The following TRMT11 variants were observed in gnomAD, a reference collection of about 807,000 sequenced individuals.
TRMT11 encodes tRNA (guanine(10)-N(2))-methyltransferase TRMT11.
TRMT11 carries 53 observed loss-of-function variants against 62.8 expected under a neutral mutation model. The ratio of observed to expected loss-of-function variants is 0.84; its 90% confidence interval spans 0.68 to 1.06. The LOEUF (loss-of-function observed/expected upper bound fraction) is 1.06, where lower values mean the gene tolerates loss of function less well. Ranked by LOEUF, TRMT11 falls within the 50% of genes least tolerant of loss-of-function variation. The pLI is 0.00. For synonymous variants in TRMT11, 188 were observed against 190.3 expected (o/e 0.99, Z 0.10); for missense variants, 556 against 553.4 (o/e 1.00, Z -0.05).
chr6:126,266,156 T>A, the TRMT11 span, among the ~76,000 whole-genome samples: 5 of 96,856 alleles, frequency 5.2e-5, no homozygotes, highest in Non-Finnish European at 9.5e-5. Context: ...TGACCAACCC[T>A]GATGACTCAG....
chr6:126,089,855 G>T (rs1383764462), intron 17 of TRMT11, among the ~76,000 whole-genome samples: 1 of 152,200 alleles, frequency 6.6e-6, no homozygotes, highest in Non-Finnish European at 1.5e-5. Flanking sequence ...GTTAAAAGAT[G>T]AGAAAGAGCA....
At chr6:126,079,843 G>C (rs1777120165) in intron 17 of TRMT11, among the ~76,000 whole-genome samples, 2 of 152,170 alleles carry the variant, frequency 1.3e-5, no homozygotes, top group Non-Finnish European at 1.5e-5. Context: ...TTGATATGAG[G>C]ATTCTGATTT....
At chr6:126,212,078 C>T in the TRMT11 span, among the ~76,000 whole-genome samples, 1 of 152,152 alleles carries the variant, frequency 6.6e-6, no homozygotes, top group South Asian at 2.1e-4. Flanking sequence ...CCAGTTCCAT[C>T]CATGTTATTG....
chr6:125,999,632 T>G lies in TRMT11; in HGVS notation c.679+19T>G. 1.3e-6 allele frequency: 2 copies of G among 1,596,596 alleles called. No individual in the cohort carries two copies. Among genetic ancestry groups the G allele is most frequent in the South Asian group, 2.3e-5 (2 of 88,458 alleles). On this transcript the variant is annotated intron_variant, in intron 7 of 12. Coordinates refer to ENST00000334379, the MANE Select transcript of TRMT11 (RefSeq NM_001031712.3). ...GGAACAGGTATTTTTATTTAACTTT[T>G]AAGCTAGTGTAGAGATGTTGCTTAT...
intron 7 of TRMT11, among the ~76,000 whole-genome samples, chr6:126,002,752 T>A (rs1158191568): frequency 2.0e-5 from 3 of 152,150 alleles, no homozygotes; most frequent in Non-Finnish European, 4.4e-5. Flanking sequence ...TTTACCTTTA[T>A]AACGCTTCCA....
chr6:125,986,679 G>A (rs535738962), intron 1 of TRMT11, 57 bp downstream of exon 1: 1 of 1,495,412 alleles, frequency 6.7e-7, no homozygotes, highest in Admixed American at 2.0e-5. Context: ...GAGTGGAGTG[G>A]AGTGGGTGGA....
At chr6:126,047,744 T>G (rs551985802) in intron 16 of TRMT11, among the ~76,000 whole-genome samples, 16 of 152,352 alleles carry the variant, frequency 1.1e-4, no homozygotes, top group African/African-American at 3.6e-4. Flanking sequence ...CTCCTGCATC[T>G]GCCTGTCTGC....
At chr6:126,072,572 A>T (rs555722289) in intron 17 of TRMT11, among the ~76,000 whole-genome samples, 1 of 152,218 alleles carries the variant, frequency 6.6e-6, no homozygotes, top group Non-Finnish European at 1.5e-5. Flanking sequence ...ATATAAAAAT[A>T]ATCAGAACAA....
chr6:126,006,381 T>A (rs1484719560), intron 7 of TRMT11, among the ~76,000 whole-genome samples: 1 of 152,018 alleles, frequency 6.6e-6, no homozygotes. Context: ...AAGATGAAAA[T>A]CATGAATTAG....
At chr6:126,265,737 G>C in the TRMT11 span, among the ~76,000 whole-genome samples, 1 of 152,064 alleles carries the variant, frequency 6.6e-6, no homozygotes, top group African/African-American at 2.4e-5. Context: ...CATGTACAAT[G>C]ATTCCTACTG....
downstream of TRMT11, among the ~76,000 whole-genome samples, chr6:126,203,533 A>G (rs954270702): frequency 1.3e-5 from 2 of 152,204 alleles, no homozygotes; most frequent in African/African-American, 4.8e-5. Flanking sequence ...AGCATTTTAT[A>G]TTGTGATAAG....
At chr6:126,093,347 C>T (rs1282636731) in intron 17 of TRMT11, among the ~76,000 whole-genome samples, 1 of 151,612 alleles carries the variant, frequency 6.6e-6, no homozygotes, top group Non-Finnish European at 1.5e-5. Flanking sequence ...TACAAGATTT[C>T]TTTCCTCATT....
chr6:126,248,513 C>A, the TRMT11 span, among the ~76,000 whole-genome samples: 2 of 151,568 alleles, frequency 1.3e-5, no homozygotes, highest in African/African-American at 4.8e-5. Context: ...GAAAAAAAAA[C>A]AAAGTCACCT....
At chr6:126,022,882 C>G (rs1180485828) in intron 12 of TRMT11, among the ~76,000 whole-genome samples, 3 of 152,070 alleles carry the variant, frequency 2.0e-5, no homozygotes, top group African/African-American at 7.2e-5. Context: ...ATTTTTAAAA[C>G]AAAAATACTA....
intron 11 of TRMT11, 58 bp downstream of exon 11, chr6:126,013,159 G>A (rs758951580): frequency 2.0e-6 from 3 of 1,490,662 alleles, no homozygotes; most frequent in South Asian, 1.3e-5. Context: ...TGCGTATCTA[G>A]TATAATTTTC....
intron 21 of TRMT11, among the ~76,000 whole-genome samples, chr6:126,116,121 C>G (rs1237151247): frequency 6.6e-6 from 1 of 150,694 alleles, no homozygotes; most frequent in South Asian, 2.1e-4. Flanking sequence ...GTACCTAACT[C>G]AAAATGCCTT....
the TRMT11 span, among the ~76,000 whole-genome samples, chr6:126,260,001 GT>G: frequency 1.3e-5 from 2 of 151,846 alleles, no homozygotes; most frequent in African/African-American, 4.8e-5. Context: ...GTTGGGTCTA[GT>G]TTTTTTTATT....
the TRMT11 span, among the ~76,000 whole-genome samples, chr6:126,266,285 G>A: frequency 6.6e-6 from 1 of 152,100 alleles, no homozygotes; most frequent in Non-Finnish European, 1.5e-5. Flanking sequence ...ATTACTTGGG[G>A]CGCTCAGAAT....
At chr6:126,197,570 A>G (rs1778680842) in intron 1 of TRMT11, among the ~76,000 whole-genome samples, 1 of 152,164 alleles carries the variant, frequency 6.6e-6, no homozygotes, top group African/African-American at 2.4e-5. Flanking sequence ...TCAATCCATA[A>G]AAGATTTCTG....
Sources: gnomAD v4.1 joint callset for allele counts (sites outside exome capture counted in the v4.1 genomes callset) on GRCh38, gnomAD v4.1.1 for gene constraint, MANE v1.5 for transcripts, NCBI Gene and HGNC (gene_info 2026-07-23, HGNC 2026-07-21) for gene names.